The following RELN variants were observed in gnomAD, a reference collection of about 807,000 sequenced individuals.
The protein encoded by RELN is reelin.
A neutral mutation model predicts 427.6 loss-of-function variants in RELN; 108 were observed. The observed-to-expected ratio is 0.25, with a 90% CI of 0.22 to 0.30. The LOEUF (loss-of-function observed/expected upper bound fraction) is 0.30. RELN is among the 10% of genes least tolerant of loss of function. The pLI is 1.00. For missense variants in RELN, 3,715 were observed against 4,302.8 expected (o/e 0.86, Z 3.82); for synonymous variants, 1,524 against 1,513.4 (o/e 1.01, Z -0.16).
chr7:103,782,204 C>T (rs1251381423), intron 3 of RELN, among the ~76,000 whole-genome samples: 1 of 152,082 alleles, frequency 6.6e-6, no homozygotes, highest in African/African-American at 2.4e-5. Context: ...CTTGAAAAAG[C>T]ATTTATTGTC....
chr7:103,572,344 A>T, intron 30 of RELN, 84 bp from the exon 31 acceptor site: 1 of 768,476 alleles, frequency 1.3e-6, no homozygotes, highest in Non-Finnish European at 2.3e-6. Flanking sequence ...TTAGAAAAAA[A>T]CCCTCCTGTA....
rs780410059 is a variant in RELN at position 103,471,836 on chromosome 7, G to T, written c.*976C>A. On this transcript the variant is annotated 3_prime_UTR_variant, in exon 65 of 65. Coordinates refer to ENST00000428762, the MANE Select transcript of RELN (RefSeq NM_005045.4). ...TTTAAGCATGGGCTTTTATAGCTTG[G>T]TTCACCCTAGAGTGCAACCTTTCAG... 1.3e-5 allele frequency: 2 copies of T among 152,604 alleles called. No individual in the cohort carries two copies. Among genetic ancestry groups the T allele is most frequent in the Admixed American group, 1.3e-4 (2 of 15,282 alleles). 9.5% of individuals were successfully genotyped at this position (152,604 alleles called of 1,614,324 possible). A position where few individuals can be genotyped will look rare whatever the true frequency, so the allele number is the denominator to read the frequency against.
Position 103,545,309 on chromosome 7 carries a change from G to C in RELN, c.6338C>G (p.Pro2113Arg), listed in dbSNP as rs2117140077. 1 of 1,614,050 alleles carries C rather than the reference G, an allele frequency of 6.2e-7. No homozygotes were observed. The highest frequency in any genetic ancestry group is 8.5e-7 in the Non-Finnish European group (1 of 1,179,920). Residue 2113 changes from proline (P) to arginine (R), a missense_variant, in exon 42 of 65, where the codon CCT (proline) becomes CGT (arginine). Pro to Arg is a moderately radical substitution (Grantham distance 103). Coordinates refer to ENST00000428762, the MANE Select transcript of RELN (RefSeq NM_005045.4). ...CCATGTCACTGGCTGAGAGCCGGCA[G>C]GGTAAAATCCCTGGTACCATCTGAA... Reference protein sequence around the residue: ...VRFRWYQGFYPAGSQPVTWAI... With the variant: ...VRFRWYQGFYRAGSQPVTWAI...
intron 48 of RELN, among the ~76,000 whole-genome samples, chr7:103,521,601 AGGGCT>A (rs1246873123): frequency 6.6e-6 from 1 of 152,212 alleles, no homozygotes; most frequent in Non-Finnish European, 1.5e-5. Flanking sequence ...GTCAATTAGA[AGGGCT>A]CCATGCAGAT....
At chr7:103,969,980 T>G (rs1796730238) in intron 1 of RELN, among the ~76,000 whole-genome samples, 1 of 152,184 alleles carries the variant, frequency 6.6e-6, no homozygotes, top group South Asian at 2.1e-4. Context: ...CGAATTTATC[T>G]GTAACTCCAA....
At chr7:103,828,780 A>G (rs1284270474) in intron 3 of RELN, among the ~76,000 whole-genome samples, 1 of 152,000 alleles carries the variant, frequency 6.6e-6, no homozygotes, top group Non-Finnish European at 1.5e-5. Context: ...AATGAATTCA[A>G]TAATATTTCT....
chr7:103,693,483 G>A (rs925555998), intron 10 of RELN, among the ~76,000 whole-genome samples: 3 of 151,118 alleles, frequency 2.0e-5, no homozygotes, highest in Non-Finnish European at 2.9e-5. Context: ...TGCATGTTCT[G>A]CACGTGTATC....
intron 20 of RELN, among the ~76,000 whole-genome samples, chr7:103,616,061 C>G (rs1050971821): frequency 6.6e-5 from 10 of 152,136 alleles, no homozygotes; most frequent in Non-Finnish European, 1.3e-4. Context: ...TTTTTTGCAA[C>G]TGAGCCCATC....
intron 8 of RELN, among the ~76,000 whole-genome samples, chr7:103,718,479 G>C (rs930037612): frequency 6.6e-6 from 1 of 152,098 alleles, no homozygotes; most frequent in African/African-American, 2.4e-5. Context: ...ATTACGTACT[G>C]ATAAACACTT....
In RELN at chr7:103,718,332, C is replaced by G. The variant is rs1411707444; in HGVS notation, c.805+4808G>C. ...AATGATAAAAACAAAAACAAAGCAGCAAAAAAAAAAAAAAAAAATTAAACA... is the reference window on the plus strand; with the variant it reads ...AATGATAAAAACAAAAACAAAGCAGGAAAAAAAAAAAAAAAAAATTAAACA... On this transcript the variant is annotated intron_variant, in intron 8 of 64. Transcript: ENST00000428762. Among the ~76,000 whole-genome samples the G allele has an allele frequency of 5.3e-5, 7 of 131,016 alleles. No homozygotes were observed. The South Asian group carries it at 1.7e-3, about 32-fold the overall frequency. 86.0% of individuals were successfully genotyped at this position (131,016 alleles called of 152,430 possible).
intron 46 of RELN, among the ~76,000 whole-genome samples, chr7:103,526,711 A>G (rs1449820805): frequency 1.3e-5 from 2 of 152,174 alleles, no homozygotes; most frequent in Non-Finnish European, 2.9e-5. Context: ...TACATCACTT[A>G]TGTTTATGTG....
At chr7:103,567,075 T>C (rs1244637424) in intron 31 of RELN, among the ~76,000 whole-genome samples, 1 of 152,236 alleles carries the variant, frequency 6.6e-6, no homozygotes, top group Non-Finnish European at 1.5e-5. Flanking sequence ...TAGATTCTGT[T>C]CTGAACATTA....
At chr7:103,638,016 G>A (rs1019828911) in intron 17 of RELN, among the ~76,000 whole-genome samples, 1 of 151,948 alleles carries the variant, frequency 6.6e-6, no homozygotes, top group Non-Finnish European at 1.5e-5. Flanking sequence ...TTAATCAAAG[G>A]TTATTCAGTT....
intron 10 of RELN, among the ~76,000 whole-genome samples, chr7:103,691,473 T>G (rs1833869232): frequency 6.6e-6 from 1 of 152,180 alleles, no homozygotes; most frequent in Non-Finnish European, 1.5e-5. Context: ...GTTTACATAC[T>G]CACTACTCTG....
At chr7:103,496,030 T>C in intron 56 of RELN, 132 bp from the exon 57 acceptor site, 1 of 904,064 alleles carries the variant, frequency 1.1e-6, no homozygotes, top group East Asian at 2.6e-5. Context: ...CTACTAGCTT[T>C]CTGCTTACAC....
intron 3 of RELN, among the ~76,000 whole-genome samples, chr7:103,815,857 T>G (rs1792856528): frequency 6.6e-6 from 1 of 152,220 alleles, no homozygotes; most frequent in Non-Finnish European, 1.5e-5. Flanking sequence ...GTAAATGGAT[T>G]TGAACCAACA....
intron 6 of RELN, among the ~76,000 whole-genome samples, chr7:103,745,587 T>C (rs1416879872): frequency 6.6e-6 from 1 of 151,452 alleles, no homozygotes; most frequent in Non-Finnish European, 1.5e-5. Context: ...ACAAAATCAA[T>C]GTGCAAAAAT....
At chr7:103,504,295 T>C (rs1186362803) in intron 51 of RELN, 1 of 152,188 alleles carries the variant, frequency 6.6e-6, no homozygotes, top group Non-Finnish European at 1.5e-5. Flanking sequence ...AAATAACCAT[T>C]ATAGCTTTAA....
intron 2 of RELN, among the ~76,000 whole-genome samples, chr7:103,857,696 A>T: frequency 6.7e-6 from 1 of 150,374 alleles, no homozygotes; most frequent in East Asian, 1.9e-4. Flanking sequence ...TGAGCAGATG[A>T]TTTACAGCTG....
Sources: gnomAD v4.1 joint callset for allele counts (sites outside exome capture counted in the v4.1 genomes callset) on GRCh38, gnomAD v4.1.1 for gene constraint, MANE v1.5 for transcripts, NCBI Gene and HGNC (gene_info 2026-07-23, HGNC 2026-07-21) for gene names.